Variants in EDRF1 observed in about 807,000 individuals in gnomAD.
The protein encoded by EDRF1 is erythroid differentiation regulatory factor 1, also known as erythroid differentiation-related factor 1.
In EDRF1, 69 loss-of-function variants were observed where a neutral mutation model predicts 148.7. That is an observed-to-expected ratio of 0.46 (90% CI 0.38 to 0.57). The LOEUF (loss-of-function observed/expected upper bound fraction) is 0.57. Ranked by LOEUF, EDRF1 falls within the 20% of genes least tolerant of loss-of-function variation. EDRF1 has a pLI of 0.00. For missense variants in EDRF1, 1,118 were observed against 1,478.7 expected, an observed-to-expected ratio of 0.76 and a Z score of 4.00; for synonymous variants, 515 against 532.8, an observed-to-expected ratio of 0.97 and a Z score of 0.46.
chr10:125,739,873 G>C (rs564767315), intron 15 of EDRF1, among the ~76,000 whole-genome samples: 3 of 152,170 alleles, frequency 2.0e-5, no homozygotes, highest in Admixed American at 6.5e-5. Context: ...ACAGTACTTG[G>C]CAGAAAAATG....
intron 6 of EDRF1, among the ~76,000 whole-genome samples, chr10:125,727,423 T>C (rs907319435): frequency 9.2e-5 from 14 of 152,184 alleles, no homozygotes; most frequent in Non-Finnish European, 1.5e-4. Flanking sequence ...TGTTAAGCAG[T>C]TATAGAGGTT....
Position 125,741,011 on chromosome 10 carries a change from C to T in EDRF1, c.2181C>T (p.Cys727=). Residue 727 remains cysteine, a synonymous_variant, in exon 17 of 25, where the codon TGC becomes TGT. Transcript: ENST00000356792. ...TCCCTTTCTAAACAGATACTTATTG[C>T]TGCCTCTGCACCAATATGCTTTCCG... ...KLALQSHDTY[C]CLCTNMLSEV... 6.2e-7 allele frequency: 1 copy of T among 1,613,754 alleles called. No homozygotes were observed. The highest frequency in any genetic ancestry group is 8.5e-7 in the Non-Finnish European group (1 of 1,179,838).
chr10:125,761,252 A>G (rs976515164), intron 24 of EDRF1: 9 of 407,080 alleles, frequency 2.2e-5, no homozygotes, highest in Non-Finnish European at 3.9e-5. Context: ...TCATCATCAT[A>G]TGACAACTGC....
chr10:125,721,473 G>T, intron 2 of EDRF1, 61 bp downstream of exon 2: 2 of 1,487,686 alleles, frequency 1.3e-6, no homozygotes, highest in African/African-American at 1.4e-5. Context: ...ACTCTTATTT[G>T]CTTTTAAATT....
chr10:125,723,355 G>A (rs145602106), intron 3 of EDRF1, among the ~76,000 whole-genome samples: 242 of 152,242 alleles, frequency 1.6e-3, no homozygotes, highest in African/African-American at 5.4e-3. Context: ...CCCAAACACT[G>A]GCAGTGGTAA....
At position 125,733,449 on chromosome 10, in the gene EDRF1, T is replaced by G; in HGVS notation, c.1174T>G (p.Ser392Ala). ...AGAAGAAATTCCCAATTTGGAAAAT[T>G]CTAATTTTTCTACTAAAGTCATAAA... ...KTEEIPNLEN[S>A]NFSTKVIKDI... The change falls in exon 10 of 25, where the codon TCT becomes GCT. Residue 392 changes from serine (S) to alanine (A), a missense_variant. Transcript: ENST00000356792. 1 of 1,590,528 alleles carries G rather than the reference T, an allele frequency of 6.3e-7. No individual in the cohort carries two copies. The highest frequency in any genetic ancestry group is 8.6e-7 in the Non-Finnish European group (1 of 1,160,926).
Position 125,729,379 on chromosome 10 carries a change from C to T in EDRF1, c.916C>T (p.Arg306Trp), listed in dbSNP as rs773073531. 7.4e-6 allele frequency: 12 copies of T among 1,613,294 alleles called. No homozygotes were observed. The highest frequency in any genetic ancestry group is 2.2e-5 in the East Asian group (1 of 44,892). Residue 306 changes from arginine to tryptophan, a missense_variant, in exon 8 of 25, where the codon CGG becomes TGG. Physicochemically the swap from Arg to Trp is moderately radical, Grantham distance 101. Coordinates refer to ENST00000356792, the MANE Select transcript of EDRF1 (RefSeq NM_001202438.2). ...ACAGGGTCTTAAAAATGATTTTGTT[C>T]GGAATATTCTATGGACATTTGAAGA... is the stretch of plus-strand genomic sequence containing the variant. Reference protein sequence around the residue: ...HSQGLKNDFVRNILWTFEDIH... With the variant: ...HSQGLKNDFVWNILWTFEDIH...
intron 24 of EDRF1, among the ~76,000 whole-genome samples, chr10:125,762,592 G>A (rs1171740999): frequency 6.6e-6 from 1 of 152,090 alleles, no homozygotes; most frequent in African/African-American, 2.4e-5. Flanking sequence ...AGGGGTAAAT[G>A]TTTTCAGGAC....
rs1400325239 is a variant in EDRF1 at position 125,747,580 on chromosome 10, A to G, written c.2859A>G (p.Arg953=). 3 of 1,614,206 alleles carry G rather than the reference A, an allele frequency of 1.9e-6. No individual in the cohort carries two copies. The South Asian group carries it at 3.3e-5, about 18-fold the overall frequency. Residue 953 remains arginine, a synonymous_variant, in exon 20 of 25, where the codon CGA becomes CGG. Coordinates refer to ENST00000356792, the MANE Select transcript of EDRF1 (RefSeq NM_001202438.2). The stretch of plus-strand genomic sequence containing the variant: ...AAGCGCTAAGGTCATTGGGAACACG[A>G]GACATACACCCAGCTGTTTGGGATT... ...YLKALRSLGT[R]DIHPAVWDSV...
chr10:125,737,613 T>G (rs1239282008), intron 13 of EDRF1, among the ~76,000 whole-genome samples: 3 of 152,362 alleles, frequency 2.0e-5, no homozygotes, highest in Admixed American at 2.0e-4. Context: ...GTGATACTTG[T>G]TATTTCTAAA....
Position 125,725,731 on chromosome 10 carries a change from C to G in EDRF1, c.685C>G (p.Gln229Glu). 1 of 1,614,118 alleles carries G rather than the reference C, an allele frequency of 6.2e-7. No homozygotes were observed. Among genetic ancestry groups the G allele is most frequent in the Non-Finnish European group, 8.5e-7 (1 of 1,180,006 alleles). Residue 229 changes from glutamine to glutamate, a missense_variant, in exon 6 of 25, where the codon CAG (glutamine) becomes GAG (glutamate). Physicochemically the swap from Gln to Glu is conservative, Grantham distance 29. Coordinates refer to ENST00000356792, the MANE Select transcript of EDRF1 (RefSeq NM_001202438.2). Reference protein sequence around the residue: ...AQPVSSTAEQQESSSSDQTND... With the variant: ...AQPVSSTAEQEESSSSDQTND... The stretch of plus-strand genomic sequence containing the variant: ...GCCTGTCTCATCCACCGCAGAACAG[C>G]AGGAATCGTCCAGTTCAGATCAGAC...
intron 18 of EDRF1, among the ~76,000 whole-genome samples, chr10:125,744,360 T>C (rs1849222126): frequency 6.6e-6 from 1 of 152,060 alleles, no homozygotes; most frequent in South Asian, 2.1e-4. Context: ...TTTTTAAAAA[T>C]TTTTTTAGAG....
At position 125,734,361 on chromosome 10, in the gene EDRF1, G is replaced by GT. The variant is rs1205466267; in HGVS notation, c.1497+179dup. On this transcript the variant is annotated intron_variant, in intron 12 of 24. Coordinates refer to ENST00000356792, the MANE Select transcript of EDRF1 (RefSeq NM_001202438.2). The stretch of plus-strand genomic sequence containing the variant: ...TGCTTTGTCTGAATTGACATGTGCT[G>GT]TAAGTGTAAAATACACACTGAATTT... 2.0e-5 allele frequency among the ~76,000 whole-genome samples: 3 copies of GT among 152,120 alleles called. No individual in the cohort carries two copies. In the East Asian group the frequency reaches 5.8e-4, roughly 29 times the overall value.
intron 8 of EDRF1, 56 bp from the exon 9 acceptor site, chr10:125,730,232 A>G: frequency 7.6e-7 from 1 of 1,309,188 alleles, no homozygotes; most frequent in Admixed American, 1.7e-5. Context: ...CTTTCAGATG[A>G]TTAATTAAGG....
In EDRF1 at chr10:125,731,091, G is replaced by A. The variant is rs145276605; in HGVS notation, c.1128+692G>A. On this transcript the variant is annotated intron_variant, in intron 9 of 24. Transcript: ENST00000356792. ...GAGCCCAGGAGTTTGAGGCTGCAGT[G>A]AGCTATGATCGTGCCACTGCACTCC... Among the ~76,000 whole-genome samples the A allele has an allele frequency of 1.1e-3, 170 of 152,290 alleles. 2 individuals carry two copies. The highest frequency in any genetic ancestry group is 1.0e-2 in the South Asian group (48 of 4,824).
intron 9 of EDRF1, among the ~76,000 whole-genome samples, 176 bp downstream of exon 9, chr10:125,730,575 T>C (rs7896701): frequency 0.022 from 3,425 of 152,316 alleles, 135 homozygotes; most frequent in African/African-American, 0.077. Context: ...GTAGATGTTA[T>C]AGAAGTATAA....
chr10:125,744,177 A>G (rs1256324973), intron 18 of EDRF1, among the ~76,000 whole-genome samples: 1 of 151,780 alleles, frequency 6.6e-6, no homozygotes, highest in Non-Finnish European at 1.5e-5. Context: ...TGAGCAGGTA[A>G]GCTGAACATC....
intron 9 of EDRF1, among the ~76,000 whole-genome samples, chr10:125,732,381 G>A (rs1273665062): frequency 6.6e-6 from 1 of 152,104 alleles, no homozygotes; most frequent in Admixed American, 6.5e-5. Flanking sequence ...AGACAGGGAA[G>A]GTAATATGTT....
At chr10:125,720,789 C>CT (rs1847951512) in intron 1 of EDRF1, among the ~76,000 whole-genome samples, 1 of 142,110 alleles carries the variant, frequency 7.0e-6, no homozygotes, top group African/African-American at 2.7e-5. Flanking sequence ...CTAGCCTGGG[C>CT]GACAAAGCAA....
Sources: gnomAD v4.1 joint callset for allele counts (sites outside exome capture counted in the v4.1 genomes callset) on GRCh38, gnomAD v4.1.1 for gene constraint, MANE v1.5 for transcripts, NCBI Gene and HGNC (gene_info 2026-07-23, HGNC 2026-07-21) for gene names.